The following CDKL4 variants were observed in gnomAD, a reference collection of about 807,000 sequenced individuals.
The protein encoded by CDKL4 is cyclin dependent kinase like 4.
CDKL4 carries 44 observed loss-of-function variants against 42.0 expected under a neutral mutation model. The observed-to-expected ratio is 1.05, with a 90% CI of 0.82 to 1.35. The LOEUF (loss-of-function observed/expected upper bound fraction) is 1.35. CDKL4 is among the 40% of genes most tolerant of loss of function. The pLI, the probability that CDKL4 is intolerant of heterozygous loss-of-function variation, is 0.00. For synonymous variants in CDKL4, 120 were observed against 121.6 expected (o/e 0.99, Z 0.09); for missense variants, 393 against 369.9 (o/e 1.06, Z -0.51).
chr2:39,203,263 G>C (rs1237820585), intron 5 of CDKL4, among the ~76,000 whole-genome samples: 1 of 152,182 alleles, frequency 6.6e-6, no homozygotes, highest in East Asian at 1.9e-4. Context: ...TTATACGTTT[G>C]GAAGTATTGC....
chr2:39,188,005 T>G (rs1675932376), intron 6 of CDKL4, among the ~76,000 whole-genome samples: 1 of 151,202 alleles, frequency 6.6e-6, no homozygotes, highest in Non-Finnish European at 1.5e-5. Flanking sequence ...GAGGCAGAGC[T>G]TGCAGTGAGC....
chr2:39,215,788 A>G lies in CDKL4; in HGVS notation c.291-2316T>C, dbSNP rs114363767. On this transcript the variant is annotated intron_variant, in intron 3 of 9. Coordinates refer to ENST00000451199, the Ensembl canonical transcript of CDKL4. Reference sequence around the variant, plus strand: ...CCTCAGAGCAGTTTCCTGATCTTGTACCACAATTATGGTGGCATGTCCTTG... The same window carrying G: ...CCTCAGAGCAGTTTCCTGATCTTGTGCCACAATTATGGTGGCATGTCCTTG... Among the ~76,000 whole-genome samples, 646 of 152,306 alleles carry G rather than the reference A, an allele frequency of 4.2e-3. 5 individuals carry two copies. Among genetic ancestry groups the G allele is most frequent in the African/African-American group, 0.015 (614 of 41,548 alleles).
chr2:39,173,558 C>T (rs1011886120), downstream of CDKL4, among the ~76,000 whole-genome samples: 6 of 152,030 alleles, frequency 3.9e-5, no homozygotes, highest in African/African-American at 1.4e-4. Flanking sequence ...GCCTGTAATC[C>T]CAGCACTTTG....
At chr2:39,177,200 T>A (rs750651021) in intron 9 of CDKL4, among the ~76,000 whole-genome samples, 20 of 151,980 alleles carry the variant, frequency 1.3e-4, no homozygotes, top group Non-Finnish European at 2.2e-4. Flanking sequence ...GTTGCAGGCA[T>A]TGAAGGAAGG....
exon 9 of CDKL4, chr2:39,179,289 T>C: frequency 1.9e-6 from 3 of 1,608,810 alleles, no homozygotes; most frequent in Middle Eastern, 1.7e-4. Context: ...GGGAACAGGT[T>C]AATCTGTCAT....
At chr2:39,195,840 T>C (rs1179863700) in intron 5 of CDKL4, among the ~76,000 whole-genome samples, 3 of 152,032 alleles carry the variant, frequency 2.0e-5, no homozygotes, top group African/African-American at 7.2e-5. Context: ...ATGTCTATTC[T>C]GATGGCTTCT....
chr2:39,220,286 A>T (rs527609483), intron 3 of CDKL4, among the ~76,000 whole-genome samples: 30 of 152,228 alleles, frequency 2.0e-4, no homozygotes, highest in Admixed American at 1.9e-3. Context: ...CTCAGATCTC[A>T]CCTGAGGCAG....
intron 1 of CDKL4, among the ~76,000 whole-genome samples, chr2:39,235,138 A>G (rs1354938034): frequency 6.6e-6 from 1 of 152,086 alleles, no homozygotes; most frequent in Non-Finnish European, 1.5e-5. Context: ...TTGGCCTCCC[A>G]AAATGTTGGG....
downstream of CDKL4, among the ~76,000 whole-genome samples, chr2:39,173,403 G>A (rs150741012): frequency 1.6e-4 from 24 of 152,292 alleles, no homozygotes; most frequent in East Asian, 4.4e-3. Context: ...CTGGCAGGGT[G>A]TGGTGGGTCA....
intron 5 of CDKL4, among the ~76,000 whole-genome samples, chr2:39,195,449 T>C (rs72799489): frequency 3.9e-5 from 6 of 152,158 alleles, no homozygotes; most frequent in South Asian, 4.1e-4. Flanking sequence ...AATTTCTTCA[T>C]ATCTTTACCA....
intron 9 of CDKL4, among the ~76,000 whole-genome samples, chr2:39,178,034 G>A (rs967153402): frequency 6.6e-6 from 1 of 152,180 alleles, no homozygotes; most frequent in Non-Finnish European, 1.5e-5. Context: ...AATTCACACT[G>A]TCTTTCAGAT....
At chr2:39,171,001 G>C (rs1179242958), downstream of CDKL4, among the ~76,000 whole-genome samples, 1 of 151,998 alleles carries the variant, frequency 6.6e-6, no homozygotes, top group Non-Finnish European at 1.5e-5. Context: ...ACTTTGGGAG[G>C]CCAAGGTGGG....
chr2:39,191,831 C>T (rs754478827), intron 5 of CDKL4, among the ~76,000 whole-genome samples: 16 of 152,120 alleles, frequency 1.1e-4, no homozygotes, highest in Admixed American at 2.6e-4. Context: ...GGACCCTGAA[C>T]GATCAGGAGC....
At chr2:39,195,044 C>G (rs532677147) in intron 5 of CDKL4, among the ~76,000 whole-genome samples, 1 of 152,112 alleles carries the variant, frequency 6.6e-6, no homozygotes, top group East Asian at 1.9e-4. Context: ...AGGTAGAGCA[C>G]GTAAATAGAA....
At chr2:39,191,202 C>G (rs1676159164) in intron 5 of CDKL4, among the ~76,000 whole-genome samples, 5 of 152,216 alleles carry the variant, frequency 3.3e-5, no homozygotes, top group Admixed American at 3.3e-4. Context: ...AGTTTGAGAC[C>G]AGCCTGGGCA....
intron 5 of CDKL4, among the ~76,000 whole-genome samples, chr2:39,201,313 A>AAC (rs1007192842): frequency 2.0e-5 from 3 of 151,646 alleles, no homozygotes; most frequent in African/African-American, 7.3e-5. Flanking sequence ...ATAAAAAAAA[A>AAC]AAAACTACAG....
At chr2:39,184,775 C>G in intron 7 of CDKL4, 128 bp from the exon 8 acceptor site, 1 of 634,306 alleles carries the variant, frequency 1.6e-6, no homozygotes, top group Non-Finnish European at 2.8e-6. Context: ...CCCTCTATCT[C>G]CCAGGCTGCA....
exon 5 of CDKL4, chr2:39,204,595 G>A: frequency 6.3e-7 from 1 of 1,583,200 alleles, no homozygotes; most frequent in Non-Finnish European, 8.7e-7. Context: ...AATATTTTCA[G>A]GTTTTATATC....
chr2:39,203,851 T>A (rs1200236726), intron 5 of CDKL4, among the ~76,000 whole-genome samples: 1 of 152,210 alleles, frequency 6.6e-6, no homozygotes, highest in East Asian at 1.9e-4. Context: ...CAGAAAGCCT[T>A]GATCGGGTTT....
Sources: allele counts gnomAD v4.1 joint callset (sites outside exome capture counted in the v4.1 genomes callset), GRCh38; gene constraint gnomAD v4.1.1; transcripts MANE v1.5; gene names NCBI Gene and HGNC (gene_info 2026-07-23, HGNC 2026-07-21).